The following GRM5 variants were observed in gnomAD, a reference collection of about 807,000 sequenced individuals.
The protein encoded by GRM5 is metabotropic glutamate receptor 5.
In GRM5, 19 loss-of-function variants were observed where a neutral mutation model predicts 83.1. The ratio of observed to expected loss-of-function variants is 0.23; its 90% CI spans 0.16 to 0.34. The LOEUF (loss-of-function observed/expected upper bound fraction) is 0.34. Ranked by LOEUF, GRM5 falls within the 10% of genes least tolerant of loss-of-function variation. The pLI is 1.00. For synonymous variants in GRM5, 675 were observed against 633.6 expected, an observed-to-expected ratio of 1.07 and a Z score of -0.98; for missense variants, 1,160 against 1,588.3, an observed-to-expected ratio of 0.73 and a Z score of 4.58.
intron 4 of GRM5, among the ~76,000 whole-genome samples, chr11:88,649,353 C>T (rs1939566431): frequency 7.3e-6 from 1 of 137,152 alleles, no homozygotes; most frequent in Admixed American, 7.7e-5. Context: ...ATTACATATA[C>T]ATAATATATT....
intron 3 of GRM5, among the ~76,000 whole-genome samples, chr11:88,750,399 T>C (rs1591487557): frequency 6.6e-6 from 1 of 152,290 alleles, no homozygotes; most frequent in Admixed American, 6.5e-5. Flanking sequence ...CTATCCTAAA[T>C]ATATATGCAC....
intron 3 of GRM5, among the ~76,000 whole-genome samples, chr11:88,743,741 T>A (rs1242798251): frequency 6.6e-6 from 1 of 152,076 alleles, no homozygotes; most frequent in African/African-American, 2.4e-5. Context: ...TACAATCACA[T>A]TGCATCGTAT....
At chr11:88,721,212 T>TAAC (rs1363957516) in intron 3 of GRM5, among the ~76,000 whole-genome samples, 1 of 152,098 alleles carries the variant, frequency 6.6e-6, no homozygotes, top group African/African-American at 2.4e-5. Flanking sequence ...TCGTTGGCTA[T>TAAC]AACAGTGAAT....
chr11:88,871,850 G>A (rs1435552006), intron 2 of GRM5, among the ~76,000 whole-genome samples: 1 of 150,988 alleles, frequency 6.6e-6, no homozygotes, highest in Admixed American at 6.6e-5. Context: ...TAAATATCTT[G>A]TAATCCCATA....
chr11:88,844,304 A>T (rs1281360609), intron 3 of GRM5, among the ~76,000 whole-genome samples: 1 of 152,090 alleles, frequency 6.6e-6, no homozygotes, highest in Non-Finnish European at 1.5e-5. Flanking sequence ...GTGACAACAC[A>T]TCTCTTTAAA....
At chr11:88,673,994 T>G (rs1197627620) in intron 3 of GRM5, among the ~76,000 whole-genome samples, 1 of 151,692 alleles carries the variant, frequency 6.6e-6, no homozygotes, top group African/African-American at 2.4e-5. Context: ...TAGACCTATA[T>G]AGAGAGAAGC....
intron 4 of GRM5, among the ~76,000 whole-genome samples, chr11:88,611,193 C>G (rs1214043240): frequency 6.6e-6 from 1 of 152,104 alleles, no homozygotes; most frequent in Non-Finnish European, 1.5e-5. Context: ...TGTTGTGTCT[C>G]TGCCAGGCTT....
Position 88,653,422 on chromosome 11 carries a change from A to C in GRM5, c.912-19T>G, listed in dbSNP as rs2135306941. ...GCCATCACTGTGGGGAAATAAAAAA[A>C]CCCTCAGCTTAGAACAGATATCTCC... On this transcript the variant is annotated intron_variant, in intron 3 of 9. Transcript: ENST00000305447. The C allele has an allele frequency of 6.5e-7, 1 of 1,547,848 alleles. No individual in the cohort carries two copies. Among genetic ancestry groups the C allele is most frequent in the African/African-American group, 1.4e-5 (1 of 73,624 alleles).
intron 3 of GRM5, among the ~76,000 whole-genome samples, chr11:88,771,817 C>G (rs953122147): frequency 1.3e-5 from 2 of 152,112 alleles, no homozygotes; most frequent in African/African-American, 4.8e-5. Context: ...CAAAATAGCT[C>G]AATAATTTTT....
intron 3 of GRM5, among the ~76,000 whole-genome samples, chr11:88,714,808 G>A (rs1323932371): frequency 6.6e-6 from 1 of 151,872 alleles, no homozygotes; most frequent in Non-Finnish European, 1.5e-5. Flanking sequence ...AGTTCTTCCT[G>A]AGGACAAGTC....
chr11:88,549,368 C>T (rs1304939610), intron 8 of GRM5, among the ~76,000 whole-genome samples: 1 of 151,108 alleles, frequency 6.6e-6, no homozygotes, highest in East Asian at 2.0e-4. Flanking sequence ...GGGAGGATCA[C>T]TTTAGCCCAG....
intron 5 of GRM5, among the ~76,000 whole-genome samples, chr11:88,601,139 G>T: frequency 6.6e-6 from 1 of 152,144 alleles, no homozygotes; most frequent in East Asian, 1.9e-4. Flanking sequence ...TCCTTGCCCT[G>T]TTATTTAATT....
intron 2 of GRM5, among the ~76,000 whole-genome samples, chr11:88,871,344 C>G (rs777424438): frequency 2.3e-4 from 35 of 151,558 alleles, no homozygotes; most frequent in Non-Finnish European, 4.0e-4. Context: ...CAAGCCTGTT[C>G]AACCTACTGC....
chr11:88,878,672 A>G (rs1761752830), intron 2 of GRM5, among the ~76,000 whole-genome samples: 1 of 152,190 alleles, frequency 6.6e-6, no homozygotes, highest in Non-Finnish European at 1.5e-5. Context: ...TAGGAGAAAG[A>G]CTGTACTCAT....
chr11:88,696,755 C>A (rs1014297780), intron 3 of GRM5, among the ~76,000 whole-genome samples: 1 of 152,106 alleles, frequency 6.6e-6, no homozygotes, highest in African/African-American at 2.4e-5. Context: ...ACATGAAGTA[C>A]GTAAAGTGCT....
At chr11:89,022,159 T>C (rs890225908) in intron 2 of GRM5, among the ~76,000 whole-genome samples, 5 of 152,190 alleles carry the variant, frequency 3.3e-5, no homozygotes, top group African/African-American at 7.2e-5. Context: ...TAAGTGCTCA[T>C]TTCATGCATT....
At chr11:88,748,065 GGCAA>G (rs1942180850) in intron 3 of GRM5, among the ~76,000 whole-genome samples, 1 of 152,124 alleles carries the variant, frequency 6.6e-6, no homozygotes, top group Non-Finnish European at 1.5e-5. Context: ...CCCATCCCCA[GGCAA>G]GGGAAGCAGT....
At chr11:88,953,293 A>G (rs868222045) in intron 2 of GRM5, among the ~76,000 whole-genome samples, 1 of 152,214 alleles carries the variant, frequency 6.6e-6, no homozygotes, top group Non-Finnish European at 1.5e-5. Flanking sequence ...ACACACACTT[A>G]TATGCATACA....
chr11:88,728,686 C>T (rs61905205), intron 3 of GRM5, among the ~76,000 whole-genome samples: 18,842 of 151,870 alleles, frequency 0.12, 1,549 homozygotes, highest in Middle Eastern at 0.2. Context: ...AGTATCAAGT[C>T]GGCTTCATCC....
Sources: gnomAD v4.1 joint callset for allele counts (sites outside exome capture counted in the v4.1 genomes callset) on GRCh38, gnomAD v4.1.1 for gene constraint, MANE v1.5 for transcripts, NCBI Gene and HGNC (gene_info 2026-07-23, HGNC 2026-07-21) for gene names.